The following MACROD2 variants were observed in gnomAD, a reference collection of about 807,000 sequenced individuals.
The protein encoded by MACROD2 is ADP-ribose glycohydrolase MACROD2.
In MACROD2, 36 loss-of-function variants were observed where a neutral mutation model predicts 70.4. The ratio of observed to expected loss-of-function variants is 0.51; its 90% CI spans 0.39 to 0.68. The LOEUF is 0.68. MACROD2 is among the 30% of genes least tolerant of loss of function. MACROD2 has a pLI of 0.00. For missense variants in MACROD2, 496 were observed against 538.4 expected (o/e 0.92, Z 0.78); for synonymous variants, 172 against 178.8 (o/e 0.96, Z 0.30).
At chr20:15,496,271 G>T (rs1349600449) in intron 7 of MACROD2, among the ~76,000 whole-genome samples, 1 of 152,226 alleles carries the variant, frequency 6.6e-6, no homozygotes, top group African/African-American at 2.4e-5. Context: ...TTTGAATCGG[G>T]AATGTTGCAT....
At chr20:15,602,879 T>C (rs2048841168) in intron 8 of MACROD2, among the ~76,000 whole-genome samples, 1 of 152,276 alleles carries the variant, frequency 6.6e-6, no homozygotes, top group East Asian at 1.9e-4. Flanking sequence ...TGGCTACCCT[T>C]TGGGAGTTCT....
intron 8 of MACROD2, among the ~76,000 whole-genome samples, chr20:15,585,475 C>G (rs376293164): frequency 6.6e-6 from 1 of 152,108 alleles, no homozygotes; most frequent in African/African-American, 2.4e-5. Context: ...GGATTAGAGG[C>G]GTGAGCCACC....
At chr20:14,986,306 C>G (rs1347097518) in intron 5 of MACROD2, among the ~76,000 whole-genome samples, 1 of 152,008 alleles carries the variant, frequency 6.6e-6, no homozygotes, top group Admixed American at 6.6e-5. Context: ...TTTATGACCC[C>G]CATTAAAGTT....
intron 9 of MACROD2, among the ~76,000 whole-genome samples, chr20:15,873,058 A>G (rs1044412907): frequency 2.0e-5 from 3 of 152,224 alleles, no homozygotes; most frequent in Non-Finnish European, 4.4e-5. Flanking sequence ...ATTTTTAAAA[A>G]TCATCTTTGT....
chr20:15,259,834 C>T (rs975345114), intron 6 of MACROD2, among the ~76,000 whole-genome samples: 1 of 151,804 alleles, frequency 6.6e-6, no homozygotes, highest in East Asian at 1.9e-4. Flanking sequence ...CTGGGAGCAA[C>T]CACAATTTCT....
At position 15,210,212 on chromosome 20, in the gene MACROD2, G is replaced by T. The variant is rs549541627; in HGVS notation, c.419-19728G>T. Among the ~76,000 whole-genome samples the T allele has an allele frequency of 2.0e-5, 3 of 152,338 alleles. No homozygotes were observed. The East Asian group carries it at 5.8e-4, about 29-fold the overall frequency. ...TCAGTCCTTAGATTTGTAGGCAGTT[G>T]TGTATGGCACATAGTTTTCTTTACT... On this transcript the variant is annotated intron_variant, in intron 5 of 17. Coordinates refer to ENST00000684519, the MANE Select transcript of MACROD2 (RefSeq NM_001351661.2).
chr20:14,063,077 T>A (rs2053708188), intron 2 of MACROD2, among the ~76,000 whole-genome samples: 1 of 152,322 alleles, frequency 6.6e-6, no homozygotes, highest in East Asian at 1.9e-4. Context: ...ATCAGAGATG[T>A]GTTCCAAGAT....
rs141953049 is a variant in MACROD2 at position 15,906,231 on chromosome 20, C to T, written c.775+20420C>T. Among the ~76,000 whole-genome samples, 10 of 152,328 alleles carry T rather than the reference C, an allele frequency of 6.6e-5. No individual in the cohort carries two copies. The East Asian group carries it at 7.7e-4, about 12-fold the overall frequency. ...CAGCCACTTATGGTGTATCCAAAAA[C>T]GCAGATTCCTGCACCTAGCCCAACC... On this transcript the variant is annotated intron_variant, in intron 10 of 17. Transcript: ENST00000684519.
chr20:14,357,593 C>T (rs576162970), intron 3 of MACROD2, among the ~76,000 whole-genome samples: 51 of 152,160 alleles, frequency 3.4e-4, no homozygotes, highest in Non-Finnish European at 4.9e-4. Context: ...ACAAATATTT[C>T]TATGTTAAAT....
intron 8 of MACROD2, among the ~76,000 whole-genome samples, chr20:15,772,238 C>A (rs1246608910): frequency 9.0e-6 from 1 of 110,822 alleles, no homozygotes; most frequent in Non-Finnish European, 2.0e-5. Context: ...AAACTAAGGA[C>A]TGTGTACCTA....
intron 5 of MACROD2, among the ~76,000 whole-genome samples, chr20:14,984,159 T>A (rs2074827596): frequency 6.6e-6 from 1 of 152,204 alleles, no homozygotes; most frequent in Non-Finnish European, 1.5e-5. Context: ...CTCCAGCACA[T>A]GATTTTGATT....
chr20:14,862,127 T>TATATATAAATATATGTTATACATAA (rs2073339171), intron 5 of MACROD2, among the ~76,000 whole-genome samples: 1 of 9,498 alleles, frequency 1.1e-4, no homozygotes, highest in African/African-American at 2.8e-4. Context: ...AAATATATAA[T>TATATATAAATATATGTTATACATAA]ATATATAAAT....
chr20:15,231,963 C>T (rs756719925), intron 6 of MACROD2, among the ~76,000 whole-genome samples: 6 of 151,950 alleles, frequency 3.9e-5, no homozygotes, highest in Non-Finnish European at 2.9e-5. Flanking sequence ...AAATGTCCAA[C>T]GAAATTGATC....
chr20:14,570,572 A>G (rs1980122308), intron 4 of MACROD2, among the ~76,000 whole-genome samples: 1 of 151,906 alleles, frequency 6.6e-6, no homozygotes, highest in South Asian at 2.1e-4. Flanking sequence ...TCCCCATGGT[A>G]AAAGATTAAG....
At chr20:15,927,828 C>T (rs1343614048) in intron 10 of MACROD2, among the ~76,000 whole-genome samples, 1 of 152,166 alleles carries the variant, frequency 6.6e-6, no homozygotes, top group African/African-American at 2.4e-5. Flanking sequence ...ACATTCCCTC[C>T]CTCCTTTCCT....
intron 8 of MACROD2, among the ~76,000 whole-genome samples, chr20:15,629,619 G>A (rs1227809507): frequency 6.6e-6 from 1 of 152,196 alleles, no homozygotes; most frequent in Admixed American, 6.5e-5. Flanking sequence ...ATGTTCTTAT[G>A]TAGAAATAAT....
At chr20:15,377,481 G>C (rs758330679) in intron 6 of MACROD2, among the ~76,000 whole-genome samples, 5 of 152,182 alleles carry the variant, frequency 3.3e-5, no homozygotes, top group Non-Finnish European at 7.4e-5. Flanking sequence ...GGAGGAATTA[G>C]TTTTTCCTTT....
At chr20:15,606,477 T>A (rs1429189183) in intron 8 of MACROD2, among the ~76,000 whole-genome samples, 3 of 152,184 alleles carry the variant, frequency 2.0e-5, no homozygotes, top group African/African-American at 7.2e-5. Flanking sequence ...GGCTTGTTAC[T>A]TCTTTAACCC....
chr20:15,221,854 C>T (rs1268593054), intron 5 of MACROD2, among the ~76,000 whole-genome samples: 1 of 152,152 alleles, frequency 6.6e-6, no homozygotes, highest in African/African-American at 2.4e-5. Flanking sequence ...AAAATGGAAC[C>T]AACTTTCCAG....
Sources: gnomAD v4.1 joint callset for allele counts (sites outside exome capture counted in the v4.1 genomes callset) on GRCh38, gnomAD v4.1.1 for gene constraint, MANE v1.5 for transcripts, NCBI Gene and HGNC (gene_info 2026-07-23, HGNC 2026-07-21) for gene names.